Variants in LRRC61 observed in about 807,000 individuals in gnomAD.
The protein encoded by LRRC61 is leucine-rich repeat-containing protein 61.
A neutral mutation model predicts 15.1 loss-of-function variants in LRRC61; 9 were observed. The ratio of observed to expected loss-of-function variants is 0.60; its 90% CI spans 0.36 to 1.04. The LOEUF (loss-of-function observed/expected upper bound fraction) is 1.04, where lower values mean the gene tolerates loss of function less well. LRRC61 is among the 50% of genes least tolerant of loss of function. LRRC61 has a pLI of 0.01. For missense variants in LRRC61, 344 were observed against 335.6 expected (o/e 1.03, Z -0.20); for synonymous variants, 173 against 158.6 (o/e 1.09, Z -0.68).
At chr7:150,328,841 C>T (rs1798022527) in intron 2 of LRRC61, 1 of 152,286 alleles carries the variant, frequency 6.6e-6, no homozygotes, top group Admixed American at 6.5e-5. Flanking sequence ...CAAGTCACGT[C>T]TTTTACGAAT....
rs1327285793 is a variant in LRRC61 at position 150,323,578 on chromosome 7, C to A, written c.-315+18C>A. Reference sequence around the variant, plus strand: ...CCCCTCAGGTAAGCGGGGACTGGGCCGCCGAGGTTCAGGGAAGGGGGCGGC... The same window carrying A: ...CCCCTCAGGTAAGCGGGGACTGGGCAGCCGAGGTTCAGGGAAGGGGGCGGC... On this transcript the variant is annotated intron_variant, in intron 1 of 2. Coordinates refer to ENST00000359623, the MANE Select transcript of LRRC61 (RefSeq NM_001142928.2). 4.5e-6 allele frequency: 2 copies of A among 445,916 alleles called. No individual in the cohort carries two copies. Among genetic ancestry groups the A allele is most frequent in the African/African-American group, 2.0e-5 (1 of 49,190 alleles). The allele number at this position is 445,916 out of a possible 1,614,324, so 27.6% of individuals were successfully genotyped here.
chr7:150,321,077 A>C (rs1797461449), upstream of LRRC61, among the ~76,000 whole-genome samples: 1 of 152,172 alleles, frequency 6.6e-6, no homozygotes, highest in Admixed American at 6.5e-5. Context: ...AATCCTGCTG[A>C]GTCAGTTCAG....
Position 150,327,337 on chromosome 7 carries a change from G to T in LRRC61, c.-145+1327G>T, listed in dbSNP as rs1400855759. ...GCACCCCAGAGATGGAGTAACCAAAGCCCAAGGGGCCCTGGTCTCCTGCAG... is the reference window on the plus strand; with the variant it reads ...GCACCCCAGAGATGGAGTAACCAAATCCCAAGGGGCCCTGGTCTCCTGCAG... On this transcript the variant is annotated intron_variant, in intron 2 of 2. Coordinates refer to ENST00000359623, the MANE Select transcript of LRRC61 (RefSeq NM_001142928.2). Among the ~76,000 whole-genome samples, 6 of 152,130 alleles carry T rather than the reference G, an allele frequency of 3.9e-5. No individual in the cohort carries two copies. The East Asian group carries it at 9.7e-4, about 24-fold the overall frequency.
chr7:150,309,805 C>T, the LRRC61 span, among the ~76,000 whole-genome samples: 1 of 152,172 alleles, frequency 6.6e-6, no homozygotes, highest in Non-Finnish European at 1.5e-5. Flanking sequence ...TCTCAGATCT[C>T]GGCTTTGCGG....
chr7:150,324,119 TCTC>T (rs1797841138), intron 1 of LRRC61, among the ~76,000 whole-genome samples: 2 of 152,212 alleles, frequency 1.3e-5, no homozygotes, highest in South Asian at 4.1e-4. Context: ...CACACGTTCA[TCTC>T]CTCCTATCCC....
the LRRC61 span, among the ~76,000 whole-genome samples, chr7:150,316,134 T>C: frequency 6.6e-6 from 1 of 151,970 alleles, no homozygotes; most frequent in African/African-American, 2.4e-5. Flanking sequence ...GAGGTGGAGG[T>C]TGCAGTGAGC....
At chr7:150,315,208 A>G in the LRRC61 span, among the ~76,000 whole-genome samples, 1 of 151,560 alleles carries the variant, frequency 6.6e-6, no homozygotes, top group Middle Eastern at 3.4e-3. Context: ...AGGACACAAA[A>G]AGCAATGACT....
At position 150,338,081 on chromosome 7, in the gene LRRC61, C is replaced by G. The variant is rs1798372153; in HGVS notation, c.*440C>G. ...TGTGCCTCTCCAGACTGCTCCTGCA[C>G]TTACCCCCTCCCCGCAGCACCTTCT... On this transcript the variant is annotated 3_prime_UTR_variant, in exon 3 of 3. Coordinates refer to ENST00000359623, the MANE Select transcript of LRRC61 (RefSeq NM_001142928.2). 2.1e-6 allele frequency: 1 copy of G among 482,962 alleles called. No individual in the cohort carries two copies. The highest frequency in any genetic ancestry group is 3.6e-6 in the Non-Finnish European group (1 of 275,754). 29.9% of individuals were successfully genotyped at this position (482,962 alleles called of 1,614,324 possible).
At chr7:150,324,205 T>C (rs1438545452) in intron 1 of LRRC61, among the ~76,000 whole-genome samples, 1 of 152,170 alleles carries the variant, frequency 6.6e-6, no homozygotes, top group Non-Finnish European at 1.5e-5. Context: ...CAGCAGGTGC[T>C]TAAAATCCCC....
At position 150,335,844 on chromosome 7, in the gene LRRC61, C is replaced by G. The variant is rs983458291; in HGVS notation, c.-144-874C>G. Reference sequence around the variant, plus strand: ...GCGCTGGCACCTGGACTCACCTGGTCCTGCAGCCCCTGGCAATTTGATGTG... The same window carrying G: ...GCGCTGGCACCTGGACTCACCTGGTGCTGCAGCCCCTGGCAATTTGATGTG... On this transcript the variant is annotated intron_variant, in intron 2 of 2. Transcript: ENST00000359623. The surrounding 1 kb of genome is among the most constrained non-coding windows in gnomAD (Gnocchi z 4.3). Among the ~76,000 whole-genome samples, 3 of 152,228 alleles carry G rather than the reference C, an allele frequency of 2.0e-5. No individual in the cohort carries two copies. Among genetic ancestry groups the G allele is most frequent in the African/African-American group, 7.2e-5 (3 of 41,446 alleles).
At chr7:150,324,037 TTATAAG>T (rs1200844393) in intron 1 of LRRC61, among the ~76,000 whole-genome samples, 7 of 152,174 alleles carry the variant, frequency 4.6e-5, no homozygotes, top group Non-Finnish European at 5.9e-5. Context: ...TGCTTAGACT[TTATAAG>T]TAGTCAAATT....
In LRRC61 at chr7:150,325,900, C is replaced by T. The variant is rs145374456; in HGVS notation, c.-255C>T. ...CCAGCTGCACTGTCATCCTAAAGTA[C>T]TTCTGTGGAAGAGAACATGGTGGTG... On this transcript the variant is annotated 5_prime_UTR_variant, in exon 2 of 3. Coordinates refer to ENST00000359623, the MANE Select transcript of LRRC61 (RefSeq NM_001142928.2). 6.5e-6 allele frequency: 1 copy of T among 152,806 alleles called. No individual in the cohort carries two copies. The highest frequency in any genetic ancestry group is 1.9e-4 in the East Asian group (1 of 5,188). The allele number at this position is 152,806 out of a possible 1,614,324, so 9.5% of individuals were successfully genotyped here. A position where few individuals can be genotyped will look rare whatever the true frequency, so the allele number is the denominator to read the frequency against.
chr7:150,317,671 T>C, the LRRC61 span, among the ~76,000 whole-genome samples: 2 of 152,356 alleles, frequency 1.3e-5, no homozygotes, highest in African/African-American at 4.8e-5. Context: ...ATACATTTCA[T>C]GTTTTCCATT....
chr7:150,312,096 G>A, the LRRC61 span, among the ~76,000 whole-genome samples: 2 of 152,092 alleles, frequency 1.3e-5, no homozygotes, highest in African/African-American at 2.4e-5. Context: ...AAATGCCTAC[G>A]CCAACAAAAT....
the LRRC61 span, among the ~76,000 whole-genome samples, chr7:150,317,126 A>C: frequency 4.6e-5 from 7 of 151,672 alleles, no homozygotes; most frequent in Admixed American, 1.3e-4. Context: ...ATCTCGGCTC[A>C]CTGCAACCTC....
rs1303108686 is a variant in LRRC61, at chr7:150,333,580, A to T, written c.-144-3138A>T. Among the ~76,000 whole-genome samples, 1 of 152,064 alleles carries T rather than the reference A, an allele frequency of 6.6e-6. No homozygotes were observed. Among genetic ancestry groups the T allele is most frequent in the Non-Finnish European group, 1.5e-5 (1 of 68,004 alleles). On this transcript the variant is annotated intron_variant, in intron 2 of 2. Transcript: ENST00000359623. The surrounding 1 kb of genome is among the most constrained non-coding windows in gnomAD (Gnocchi z 4.3). ...GGGCCTCATTTCCCAGGCAGAAGAC[A>T]CTCACCAACGCCTGGGACCATCTTC...
chr7:150,337,475 G>A lies in LRRC61; in HGVS notation c.614G>A (p.Trp205Ter). The change falls in exon 3 of 3, where the codon TGG (tryptophan) becomes TAG (stop). Residue 205 changes from tryptophan (W) to a stop codon, truncating the protein, a stop_gained. Coordinates refer to ENST00000359623, the MANE Select transcript of LRRC61 (RefSeq NM_001142928.2). LOFTEE classifies it high-confidence loss of function. Reference sequence around the variant, plus strand: ...CAGCCCTGGGTGGAGCCAGGCTACTGGGAGTCCTGGCCCAGCCGGAGCAGC... The same window carrying A: ...CAGCCCTGGGTGGAGCCAGGCTACTAGGAGTCCTGGCCCAGCCGGAGCAGC... Reference protein sequence around the residue: ...EAQPWVEPGYWESWPSRSSSI... With the variant: ...EAQPWVEPGY 3.7e-6 allele frequency: 6 copies of A among 1,603,246 alleles called. No homozygotes were observed. The highest frequency in any genetic ancestry group is 5.1e-6 in the Non-Finnish European group (6 of 1,179,550).
In LRRC61 at chr7:150,335,489, C is replaced by T. The variant is rs1251680499; in HGVS notation, c.-144-1229C>T. 1.3e-5 allele frequency among the ~76,000 whole-genome samples: 2 copies of T among 152,216 alleles called. No individual in the cohort carries two copies. On this transcript the variant is annotated intron_variant, in intron 2 of 2. Coordinates refer to ENST00000359623, the MANE Select transcript of LRRC61 (RefSeq NM_001142928.2). The surrounding 1 kb of genome is among the most constrained non-coding windows in gnomAD (Gnocchi z 4.3). ...GTAGAGGACATAAGGATGGCAAGAC[C>T]GTTTACATCCTCGCCAGCTCCCTGG...
chr7:150,333,280 G>T lies in LRRC61; in HGVS notation c.-144-3438G>T, dbSNP rs558871802. Among the ~76,000 whole-genome samples the T allele has an allele frequency of 2.2e-4, 34 of 152,314 alleles. No individual in the cohort carries two copies. The highest frequency in any genetic ancestry group is 7.2e-4 in the African/African-American group (30 of 41,568). The stretch of plus-strand genomic sequence containing the variant: ...TTCACTTTCATCTAGGCGCAGTTTT[G>T]TCCCCCAGTGGACATTGACAATGTC... On this transcript the variant is annotated intron_variant, in intron 2 of 2. Coordinates refer to ENST00000359623, the MANE Select transcript of LRRC61 (RefSeq NM_001142928.2). This position sits in a 1 kb window ranked among gnomAD's most constrained non-coding sequence, Gnocchi z 4.3.
Sources: allele counts gnomAD v4.1 joint callset (sites outside exome capture counted in the v4.1 genomes callset), GRCh38; gene constraint gnomAD v4.1.1; non-coding constraint Gnocchi (gnomAD v3.1); transcripts MANE v1.5; gene names NCBI Gene and HGNC (gene_info 2026-07-23, HGNC 2026-07-21).